The following SYK variants were observed in gnomAD, a reference collection of about 807,000 sequenced individuals.
The protein encoded by SYK is spleen associated tyrosine kinase.
In SYK, 16 loss-of-function variants were observed where a neutral mutation model predicts 77.8. That is an observed-to-expected ratio of 0.21 (90% CI 0.14 to 0.31). The LOEUF (loss-of-function observed/expected upper bound fraction) is 0.31. SYK is among the 10% of genes least tolerant of loss of function. The pLI is 1.00. For synonymous variants in SYK, 312 were observed against 308.7 expected, an observed-to-expected ratio of 1.01 and a Z score of -0.11; for missense variants, 529 against 814.4, an observed-to-expected ratio of 0.65 and a Z score of 4.26.
chr9:90,848,904 G>A (rs3789898), intron 3 of SYK, among the ~76,000 whole-genome samples: 36,362 of 152,198 alleles, frequency 0.24, 5,049 homozygotes, highest in South Asian at 0.35. Flanking sequence ...GGACCTTGCT[G>A]TGAGGGAGGC....
chr9:90,874,076 T>G, intron 7 of SYK, 128 bp from the exon 8 acceptor site: 3 of 789,328 alleles, frequency 3.8e-6, no homozygotes, highest in Non-Finnish European at 4.1e-6. Context: ...CTGTTTTTCG[T>G]AATTCTTTCC....
chr9:90,865,977 C>T (rs995882011), intron 6 of SYK, among the ~76,000 whole-genome samples: 11 of 143,162 alleles, frequency 7.7e-5, no homozygotes, highest in Non-Finnish European at 1.7e-4. Flanking sequence ...CAGCTCACTG[C>T]AAGCTCTGCC....
intron 1 of SYK, among the ~76,000 whole-genome samples, chr9:90,843,278 C>A (rs140297608): frequency 4.7e-4 from 71 of 152,328 alleles, no homozygotes; most frequent in African/African-American, 1.6e-3. Flanking sequence ...AGTCACAGTT[C>A]CGTGTGGGCC....
At chr9:90,832,808 C>T (rs1413421522) in intron 1 of SYK, among the ~76,000 whole-genome samples, 1 of 152,202 alleles carries the variant, frequency 6.6e-6, no homozygotes, top group Non-Finnish European at 1.5e-5. Flanking sequence ...TGGTTTAAAA[C>T]AACAATAATT....
At position 90,831,082 on chromosome 9, in the gene SYK, G is replaced by A. The variant is rs1825872800; in HGVS notation, c.-41-12776G>A. ...TATGCTGATTTTTGTTCCCTTAAATGGTATGGATTTGGCAACAATTGTTTG... is the reference window on the plus strand; with the variant it reads ...TATGCTGATTTTTGTTCCCTTAAATAGTATGGATTTGGCAACAATTGTTTG... On this transcript the variant is annotated intron_variant, in intron 1 of 13. Coordinates refer to ENST00000375754, the MANE Select transcript of SYK (RefSeq NM_003177.7). 2.0e-5 allele frequency among the ~76,000 whole-genome samples: 3 copies of A among 152,174 alleles called. No homozygotes were observed. The South Asian group carries it at 6.2e-4, about 31-fold the overall frequency.
intron 1 of SYK, among the ~76,000 whole-genome samples, chr9:90,803,953 A>G (rs1824717093): frequency 1.3e-5 from 2 of 152,098 alleles, no homozygotes; most frequent in South Asian, 2.1e-4. Context: ...AATAAAGACT[A>G]TAAAGAGCTG....
intron 1 of SYK, among the ~76,000 whole-genome samples, chr9:90,840,637 CTG>C (rs1367216155): frequency 1.3e-5 from 2 of 151,308 alleles, no homozygotes; most frequent in African/African-American, 2.4e-5. Flanking sequence ...CATCAGCACA[CTG>C]TGTTTCCAGA....
intron 1 of SYK, among the ~76,000 whole-genome samples, chr9:90,833,303 G>T (rs76050131): frequency 6.6e-6 from 1 of 152,156 alleles, no homozygotes; most frequent in African/African-American, 2.4e-5. Context: ...ACTTAAAGTA[G>T]CCTCTGTTCC....
Position 90,896,194 on chromosome 9 carries a change from A to G in SYK, c.*594A>G. ...TCTAAGCATGTAGCCAGTTAAGGAA[A>G]GAAAGAAAGAAAAAAAAAAAAGGCC... On this transcript the variant is annotated 3_prime_UTR_variant, in exon 14 of 14. Transcript: ENST00000375754. The G allele has an allele frequency of 4.3e-6, 1 of 232,406 alleles. No individual in the cohort carries two copies. The highest frequency in any genetic ancestry group is 8.5e-6 in the Non-Finnish European group (1 of 117,646). The allele number at this position is 232,406 out of a possible 1,614,324, so 14.4% of individuals were successfully genotyped here. A position where few individuals can be genotyped will look rare whatever the true frequency, so the allele number is the denominator to read the frequency against.
At chr9:90,864,404 G>T (rs989570615) in intron 4 of SYK, among the ~76,000 whole-genome samples, 185 bp from the exon 5 acceptor site, 2 of 152,208 alleles carry the variant, frequency 1.3e-5, no homozygotes, top group Admixed American at 6.5e-5. Flanking sequence ...TAGCCCAAGA[G>T]GGGGGATCCC....
In SYK at chr9:90,875,018, C is replaced by A. The variant is rs534559540; in HGVS notation, c.1181+169C>A. 5.9e-5 allele frequency among the ~76,000 whole-genome samples: 9 copies of A among 152,100 alleles called. No individual in the cohort carries two copies. The South Asian group carries it at 1.9e-3, about 32-fold the overall frequency. Reference sequence around the variant, plus strand: ...TGAAAGCGTCCATTACCTTTAATGGCAAAAACTGCAATTACTTTTGCACCA... The same window carrying A: ...TGAAAGCGTCCATTACCTTTAATGGAAAAAACTGCAATTACTTTTGCACCA... On this transcript the variant is annotated intron_variant, in intron 9 of 13. Coordinates refer to ENST00000375754, the MANE Select transcript of SYK (RefSeq NM_003177.7).
intron 13 of SYK, among the ~76,000 whole-genome samples, chr9:90,891,441 A>C (rs1443476006): frequency 6.6e-6 from 1 of 152,162 alleles, no homozygotes; most frequent in Non-Finnish European, 1.5e-5. Context: ...GGCAACAAGG[A>C]AAGTGGAAGA....
rs374585257 is a variant in SYK at position 90,809,188 on chromosome 9, T to C, written c.-42+7295T>C. ...TTCCCCAAATCACTGCTGGTGATCTTGTAGCTCTGTCATGAAGTCTGTCCT... is the reference window on the plus strand; with the variant it reads ...TTCCCCAAATCACTGCTGGTGATCTCGTAGCTCTGTCATGAAGTCTGTCCT... On this transcript the variant is annotated intron_variant, in intron 1 of 13. Transcript: ENST00000375754. Among the ~76,000 whole-genome samples the C allele has an allele frequency of 8.5e-5, 13 of 152,334 alleles. No homozygotes were observed. In the South Asian group the frequency reaches 2.7e-3, roughly 32 times the overall value.
intron 4 of SYK, among the ~76,000 whole-genome samples, chr9:90,863,100 C>T (rs1042882437): frequency 1.3e-5 from 2 of 152,230 alleles, no homozygotes; most frequent in Non-Finnish European, 2.9e-5. Flanking sequence ...TCACTGCTTT[C>T]CCTGAATCGC....
At chr9:90,892,112 A>G (rs1208854905) in intron 13 of SYK, among the ~76,000 whole-genome samples, 2 of 152,256 alleles carry the variant, frequency 1.3e-5, no homozygotes, top group Non-Finnish European at 2.9e-5. Flanking sequence ...CTCACAAGAC[A>G]GTGAAGTCTA....
At chr9:90,864,561 A>G in intron 4 of SYK, 28 bp from the exon 5 acceptor site, 1 of 1,594,266 alleles carries the variant, frequency 6.3e-7, no homozygotes, top group Non-Finnish European at 8.6e-7. Flanking sequence ...CTTGGTATTT[A>G]CCACTTTCTT....
chr9:90,845,398 G>T (rs536214408), intron 2 of SYK, 36 bp from the exon 3 acceptor site: 3 of 1,572,496 alleles, frequency 1.9e-6, no homozygotes, highest in East Asian at 2.3e-5. Context: ...ATTTTTCCTC[G>T]GTATGGTTTA....
intron 1 of SYK, among the ~76,000 whole-genome samples, chr9:90,841,708 T>C (rs1197305327): frequency 1.3e-5 from 2 of 151,516 alleles, no homozygotes; most frequent in Non-Finnish European, 2.9e-5. Flanking sequence ...GTATGTGTGA[T>C]GTGTGTAGTG....
In SYK at chr9:90,857,899, T is replaced by C. The variant is rs191929113; in HGVS notation, c.579-4307T>C. ...ATCCCAGGCATCTTCCTTCCCCTTGTATGAGTCTGACAACTGACCCGGTGA... is the reference window on the plus strand; with the variant it reads ...ATCCCAGGCATCTTCCTTCCCCTTGCATGAGTCTGACAACTGACCCGGTGA... On this transcript the variant is annotated intron_variant, in intron 3 of 13. Transcript: ENST00000375754. Among the ~76,000 whole-genome samples the C allele has an allele frequency of 3.2e-3, 481 of 152,084 alleles. 2 individuals carry two copies. Among genetic ancestry groups the C allele is most frequent in the Non-Finnish European group, 5.8e-3 (395 of 67,998 alleles).
Sources: allele counts gnomAD v4.1 joint callset (sites outside exome capture counted in the v4.1 genomes callset), GRCh38; gene constraint gnomAD v4.1.1; transcripts MANE v1.5; gene names NCBI Gene and HGNC (gene_info 2026-07-23, HGNC 2026-07-21).